TMEM260: variants seen among roughly 807,000 people sequenced by gnomAD.
The protein encoded by TMEM260 is protein O-mannosyl-transferase TMEM260.
In TMEM260, 82 loss-of-function variants were observed where a neutral mutation model predicts 88.9. That is an observed-to-expected ratio of 0.92 (90% CI 0.77 to 1.11). The LOEUF (loss-of-function observed/expected upper bound fraction) is 1.11, where lower values mean the gene tolerates loss of function less well. Among genes scored for constraint, TMEM260 ranks in the 50% least tolerant of loss-of-function variants. The pLI, the probability that TMEM260 is intolerant of heterozygous loss-of-function variation, is 0.00. For synonymous variants in TMEM260, 314 were observed against 309.3 expected (o/e 1.02, Z -0.16); for missense variants, 902 against 853.4 (o/e 1.06, Z -0.71).
intron 11 of TMEM260, among the ~76,000 whole-genome samples, chr14:56,623,304 T>C (rs1330967198): frequency 6.6e-6 from 1 of 152,182 alleles, no homozygotes; most frequent in Admixed American, 6.5e-5. Context: ...TTTTCTGCCA[T>C]TCTCTTGACT....
chr14:56,618,009 A>G (rs1390482540), intron 9 of TMEM260, among the ~76,000 whole-genome samples: 1 of 152,162 alleles, frequency 6.6e-6, no homozygotes, highest in Non-Finnish European at 1.5e-5. Context: ...AGATTTACCC[A>G]CTAGTCATAG....
Position 56,618,585 on chromosome 14 carries a change from C to T in TMEM260, c.1057-9C>T, listed in dbSNP as rs747635397. The T allele has an allele frequency of 3.1e-6, 5 of 1,612,918 alleles. No homozygotes were observed. The highest frequency in any genetic ancestry group is 4.2e-6 in the Non-Finnish European group (5 of 1,179,682). On this transcript the variant is annotated splice_polypyrimidine_tract_variant and intron_variant, in intron 9 of 15. Transcript: ENST00000261556. ...AACTGGACCCACTGGTTGCATGTCT[C>T]TTTCACAGGTGGAACGATTCTGGAT...
rs1171707829 is a variant in TMEM260 at position 56,648,383 on chromosome 14, A to G, written c.*886A>G. On this transcript the variant is annotated 3_prime_UTR_variant, in exon 16 of 16. Coordinates refer to ENST00000261556, the MANE Select transcript of TMEM260 (RefSeq NM_017799.4). Reference sequence around the variant, plus strand: ...AATAATAGTTCTTTATTTTATTATGACAGTTAATTAATAGCAACCTGTTTT... The same window carrying G: ...AATAATAGTTCTTTATTTTATTATGGCAGTTAATTAATAGCAACCTGTTTT... 1 of 152,628 alleles carries G rather than the reference A, an allele frequency of 6.6e-6. No individual in the cohort carries two copies. The highest frequency in any genetic ancestry group is 2.4e-5 in the African/African-American group (1 of 41,454). 9.5% of individuals were successfully genotyped at this position (152,628 alleles called of 1,614,324 possible). A position where few individuals can be genotyped will look rare whatever the true frequency, so the allele number is the denominator to read the frequency against.
intron 14 of TMEM260, among the ~76,000 whole-genome samples, chr14:56,635,718 T>C (rs1489970172): frequency 2.0e-5 from 3 of 152,138 alleles, no homozygotes; most frequent in Non-Finnish European, 2.9e-5. Flanking sequence ...AGCAAAAATG[T>C]ATTGATGTCC....
At chr14:56,580,273 C>T (rs911582410) in intron 1 of TMEM260, among the ~76,000 whole-genome samples, 199 bp downstream of exon 1, 13 of 152,214 alleles carry the variant, frequency 8.5e-5, no homozygotes, top group African/African-American at 3.1e-4. Context: ...CTTTAGTTCT[C>T]AGGTTTTCGA....
At chr14:56,636,638 T>C (rs778366271) in intron 15 of TMEM260, 40 bp downstream of exon 15, 1 of 1,549,022 alleles carries the variant, frequency 6.5e-7, no homozygotes, top group Non-Finnish European at 8.9e-7. Flanking sequence ...ATATATTTGG[T>C]GGGAAGGTGA....
At chr14:56,616,373 A>G (rs1197314718) in intron 8 of TMEM260, 1 of 171,152 alleles carries the variant, frequency 5.8e-6, no homozygotes, top group Non-Finnish European at 1.2e-5. Flanking sequence ...CCGATGACAA[A>G]AGAAACCCTG....
At chr14:56,587,916 G>T (rs1352451735) in intron 3 of TMEM260, among the ~76,000 whole-genome samples, 1 of 152,084 alleles carries the variant, frequency 6.6e-6, no homozygotes, top group Middle Eastern at 3.4e-3. Context: ...ATGTCAGCTG[G>T]CTTGTTACAA....
chr14:56,610,869 G>A (rs1347857068), intron 6 of TMEM260, among the ~76,000 whole-genome samples: 1 of 151,786 alleles, frequency 6.6e-6, no homozygotes, highest in African/African-American at 2.4e-5. Context: ...TATAATGGAA[G>A]TATAAAAAGG....
rs779497536 is a variant in TMEM260, at chr14:56,647,303, G to A, written c.1930G>A (p.Ala644Thr). Reference protein sequence around the residue: ...EHPVNWHKNYAIACERMLRLQ... With the variant: ...EHPVNWHKNYTIACERMLRLQ... ...CCCAGTGAATTGGCACAAGAACTATGCCATCGCCTGTGAGCGGATGCTGCG... is the reference window on the plus strand; with the variant it reads ...CCCAGTGAATTGGCACAAGAACTATACCATCGCCTGTGAGCGGATGCTGCG... The change falls in exon 16 of 16, where the codon GCC becomes ACC. Residue 644 changes from alanine (A) to threonine (T), a missense_variant. By Grantham distance (58) the Ala-to-Thr change is moderately conservative (BLOSUM62 0). Coordinates refer to ENST00000261556, the MANE Select transcript of TMEM260 (RefSeq NM_017799.4). 4 of 1,614,170 alleles carry A rather than the reference G, an allele frequency of 2.5e-6. No homozygotes were observed. In the South Asian group the frequency reaches 4.4e-5, roughly 18 times the overall value.
chr14:56,659,261 G>GTTTTTTTTT, the TMEM260 span, among the ~76,000 whole-genome samples: 1 of 140,378 alleles, frequency 7.1e-6, no homozygotes, highest in Admixed American at 7.2e-5. Context: ...TTTGGTTTTT[G>GTTTTTTTTT]TTTTTTTTTT....
intron 3 of TMEM260, among the ~76,000 whole-genome samples, chr14:56,593,556 T>C (rs971673542): frequency 6.6e-6 from 1 of 151,888 alleles, no homozygotes; most frequent in African/African-American, 2.4e-5. Flanking sequence ...ACTTTTGGAT[T>C]TGATATTTTG....
intron 12 of TMEM260, 32 bp downstream of exon 12, chr14:56,625,562 A>C (rs1352369557): frequency 3.9e-6 from 6 of 1,543,358 alleles, no homozygotes; most frequent in Non-Finnish European, 5.3e-6. Context: ...TAGCTTTTCT[A>C]AAATCTTAAG....
chr14:56,592,227 T>C (rs1247327635), intron 3 of TMEM260, among the ~76,000 whole-genome samples: 7 of 152,178 alleles, frequency 4.6e-5, no homozygotes, highest in East Asian at 3.8e-4. Context: ...AAAGGACTTA[T>C]TTGCAAATTC....
chr14:56,612,133 T>C, intron 6 of TMEM260, 112 bp from the exon 7 acceptor site: 1 of 1,064,028 alleles, frequency 9.4e-7, no homozygotes, highest in East Asian at 2.4e-5. Context: ...AAACCTAAAA[T>C]TAAAAAATTG....
At chr14:56,637,932 CTG>C (rs1566574196) in intron 15 of TMEM260, among the ~76,000 whole-genome samples, 1 of 151,978 alleles carries the variant, frequency 6.6e-6, no homozygotes, top group Non-Finnish European at 1.5e-5. Context: ...CTTGTGAGTG[CTG>C]TGAGAGGCAC....
intron 15 of TMEM260, among the ~76,000 whole-genome samples, chr14:56,637,805 G>C (rs1470552358): frequency 1.3e-5 from 2 of 151,964 alleles, no homozygotes; most frequent in African/African-American, 2.4e-5. Flanking sequence ...AGCATTTCTC[G>C]AGCACCCACT....
At chr14:56,604,403 TA>T (rs2139554445) in intron 4 of TMEM260, among the ~76,000 whole-genome samples, 1 of 152,298 alleles carries the variant, frequency 6.6e-6, no homozygotes, top group East Asian at 1.9e-4. Context: ...ATCTACTAAC[TA>T]AAAGAAGAGT....
intron 8 of TMEM260, among the ~76,000 whole-genome samples, 173 bp from the exon 9 acceptor site, chr14:56,617,007 TTTA>T (rs1464338928): frequency 3.3e-5 from 5 of 152,150 alleles, no homozygotes; most frequent in Non-Finnish European, 7.4e-5. Flanking sequence ...GTAGTTCAAA[TTTA>T]TTATTATATT....
Sources: allele counts gnomAD v4.1 joint callset (sites outside exome capture counted in the v4.1 genomes callset), GRCh38; gene constraint gnomAD v4.1.1; transcripts MANE v1.5; gene names NCBI Gene and HGNC (gene_info 2026-07-23, HGNC 2026-07-21).